PRKCA: variants seen among roughly 807,000 people sequenced by gnomAD.
PRKCA encodes the protein protein kinase C alpha type.
Under a neutral mutation model 87.0 loss-of-function variants are expected in PRKCA, and 27 were observed. The ratio of observed to expected loss-of-function variants is 0.31; its 90% CI spans 0.23 to 0.43. PRKCA has a LOEUF of 0.43. Among genes scored for constraint, PRKCA ranks in the 20% least tolerant of loss-of-function variants. The pLI is 1.00. For missense variants in PRKCA, 518 were observed against 852.3 expected (o/e 0.61, Z 4.88); for synonymous variants, 329 against 311.1 (o/e 1.06, Z -0.61).
chr17:66,688,258 A>G (rs781061691), intron 6 of PRKCA, 44 bp from the exon 7 acceptor site: 7 of 1,606,452 alleles, frequency 4.4e-6, no homozygotes, highest in Non-Finnish European at 6.0e-6. Context: ...CCAAGAAACC[A>G]TGATCAAGAT....
intron 2 of PRKCA, among the ~76,000 whole-genome samples, chr17:66,446,813 T>C (rs1914062198): frequency 1.3e-5 from 2 of 152,144 alleles, no homozygotes. Flanking sequence ...ATCCCCTAGA[T>C]CTAAAAAGCA....
intron 2 of PRKCA, among the ~76,000 whole-genome samples, chr17:66,338,240 C>T (rs1057118493): frequency 3.3e-5 from 5 of 152,054 alleles, no homozygotes; most frequent in Admixed American, 6.5e-5. Context: ...AACCAGAAAA[C>T]ATTGGTTTTC....
At chr17:66,493,806 C>T (rs1250015962) in intron 2 of PRKCA, among the ~76,000 whole-genome samples, 5 of 152,162 alleles carry the variant, frequency 3.3e-5, no homozygotes, top group African/African-American at 7.2e-5. Flanking sequence ...CAAGTCTCAT[C>T]GTTCTTGTGT....
At chr17:66,615,694 T>C (rs965388589) in intron 3 of PRKCA, among the ~76,000 whole-genome samples, 11 of 152,100 alleles carry the variant, frequency 7.2e-5, no homozygotes, top group African/African-American at 2.7e-4. Context: ...AACCCACAGA[T>C]AGTAACTGTT....
At chr17:66,715,318 G>A (rs989558436) in intron 8 of PRKCA, among the ~76,000 whole-genome samples, 12 of 152,198 alleles carry the variant, frequency 7.9e-5, no homozygotes, top group Middle Eastern at 3.4e-3. Context: ...TTCTGTGCTC[G>A]CTTAGCTTCA....
intron 2 of PRKCA, among the ~76,000 whole-genome samples, chr17:66,438,217 C>G (rs143458999): frequency 6.6e-6 from 1 of 152,152 alleles, no homozygotes; most frequent in South Asian, 2.1e-4. Context: ...GACCTTGGGA[C>G]CCCGCACTTG....
At chr17:66,613,962 T>C (rs2143655116) in intron 3 of PRKCA, among the ~76,000 whole-genome samples, 1 of 152,032 alleles carries the variant, frequency 6.6e-6, no homozygotes, top group Admixed American at 6.6e-5. Flanking sequence ...TTTGTATTTT[T>C]GTATTTTCAG....
At chr17:66,784,186 C>A (rs1202359339) in intron 14 of PRKCA, among the ~76,000 whole-genome samples, 1 of 152,146 alleles carries the variant, frequency 6.6e-6, no homozygotes, top group Non-Finnish European at 1.5e-5. Context: ...GAGGGTCACA[C>A]AGCCAGTTCA....
chr17:66,571,339 T>A (rs529574973), intron 3 of PRKCA, among the ~76,000 whole-genome samples: 19 of 152,362 alleles, frequency 1.2e-4, no homozygotes, highest in African/African-American at 4.1e-4. Flanking sequence ...TGTTTTTTTT[T>A]AATCCATATT....
At chr17:66,324,783 A>G (rs928966268) in intron 2 of PRKCA, among the ~76,000 whole-genome samples, 2 of 152,208 alleles carry the variant, frequency 1.3e-5, no homozygotes, top group African/African-American at 4.8e-5. Context: ...AGGGATAGCA[A>G]ACATATGACA....
At chr17:66,445,150 C>A (rs932328539) in intron 2 of PRKCA, among the ~76,000 whole-genome samples, 8 of 152,206 alleles carry the variant, frequency 5.3e-5, no homozygotes, top group African/African-American at 1.7e-4. Context: ...AGCTATCCCC[C>A]CTACGGTGGG....
At chr17:66,419,228 C>G (rs528621499) in intron 2 of PRKCA, among the ~76,000 whole-genome samples, 22 of 152,258 alleles carry the variant, frequency 1.4e-4, no homozygotes, top group Admixed American at 7.2e-4. Flanking sequence ...CTGATGTCAC[C>G]TCTTTCTGTA....
intron 3 of PRKCA, among the ~76,000 whole-genome samples, chr17:66,568,806 A>C (rs1968976741): frequency 6.6e-6 from 1 of 152,196 alleles, no homozygotes; most frequent in South Asian, 2.1e-4. Context: ...AAAGCCTTTC[A>C]TCTTTGGACT....
chr17:66,507,863 A>G (rs1308360916), intron 3 of PRKCA, among the ~76,000 whole-genome samples: 3 of 152,100 alleles, frequency 2.0e-5, no homozygotes, highest in Non-Finnish European at 4.4e-5. Context: ...TACCTTCCTC[A>G]CCTTGGCTTT....
At chr17:66,618,655 A>G (rs910414580) in intron 3 of PRKCA, among the ~76,000 whole-genome samples, 1 of 152,228 alleles carries the variant, frequency 6.6e-6, no homozygotes. Context: ...ACAAGGGATT[A>G]TAGTATTTGA....
intron 8 of PRKCA, among the ~76,000 whole-genome samples, chr17:66,716,215 A>G (rs9910301): frequency 6.6e-6 from 1 of 151,614 alleles, no homozygotes; most frequent in Non-Finnish European, 1.5e-5. Flanking sequence ...AGTCTGAAAA[A>G]CTATTTACTT....
rs1976090435 is a variant in PRKCA, at chr17:66,808,447, T to TA, written c.*4413dup. Reference sequence around the variant, plus strand: ...CAGTCATTTTCTCACGTTGGTCTTCTAAAGTCACCTATTTCTTGTGTGTGC... The same window carrying TA: ...CAGTCATTTTCTCACGTTGGTCTTCTAAAAGTCACCTATTTCTTGTGTGTGC... On this transcript the variant is annotated 3_prime_UTR_variant, in exon 17 of 17. Coordinates refer to ENST00000413366, the MANE Select transcript of PRKCA (RefSeq NM_002737.3). The TA allele has an allele frequency of 6.6e-6, 1 of 152,386 alleles. No homozygotes were observed. Among genetic ancestry groups the TA allele is most frequent in the Non-Finnish European group, 1.5e-5 (1 of 68,022 alleles). The allele number at this position is 152,386 out of a possible 1,614,324, so 9.4% of individuals were successfully genotyped here.
chr17:66,460,170 T>G lies in PRKCA; in HGVS notation c.206-36031T>G, dbSNP rs1207592257. 2.0e-5 allele frequency among the ~76,000 whole-genome samples: 3 copies of G among 152,168 alleles called. No individual in the cohort carries two copies. In the East Asian group the frequency reaches 5.8e-4, roughly 29 times the overall value. Reference sequence around the variant, plus strand: ...TTGTAACTTCAATTATTACGCAAGGTATTGAATTCCGCCTATGAAATCTAT... The same window carrying G: ...TTGTAACTTCAATTATTACGCAAGGGATTGAATTCCGCCTATGAAATCTAT... On this transcript the variant is annotated intron_variant, in intron 2 of 16. Coordinates refer to ENST00000413366, the MANE Select transcript of PRKCA (RefSeq NM_002737.3).
intron 3 of PRKCA, among the ~76,000 whole-genome samples, chr17:66,504,959 C>G (rs1427673811): frequency 1.3e-5 from 2 of 152,150 alleles, no homozygotes; most frequent in Non-Finnish European, 2.9e-5. Flanking sequence ...CTCCCATGAG[C>G]CTCTGAGGAA....
Sources: gnomAD v4.1 joint callset for allele counts (sites outside exome capture counted in the v4.1 genomes callset) on GRCh38, gnomAD v4.1.1 for gene constraint, MANE v1.5 for transcripts, NCBI Gene and HGNC (gene_info 2026-07-23, HGNC 2026-07-21) for gene names.